Variants in RASA3 observed in about 807,000 individuals in gnomAD.
The protein encoded by RASA3 is ras GTPase-activating protein 3.
RASA3 carries 73 observed loss-of-function variants against 110.0 expected under a neutral mutation model. That is an observed-to-expected ratio of 0.66 (90% CI 0.55 to 0.81). RASA3 has a LOEUF of 0.81. Ranked by LOEUF, RASA3 falls within the 30% of genes least tolerant of loss-of-function variation. The pLI, the probability that RASA3 is intolerant of heterozygous loss-of-function variation, is 0.00. For missense variants in RASA3, 976 were observed against 1,113.2 expected (o/e 0.88, Z 1.75); for synonymous variants, 500 against 451.4 (o/e 1.11, Z -1.37).
At chr13:114,000,264 G>C (rs2053363877) in intron 19 of RASA3, among the ~76,000 whole-genome samples, 1 of 152,042 alleles carries the variant, frequency 6.6e-6, no homozygotes, top group African/African-American at 2.4e-5. Flanking sequence ...ATCACTGACA[G>C]GCTGCAGGTG....
At chr13:114,020,148 T>C (rs1158231091) in intron 9 of RASA3, among the ~76,000 whole-genome samples, 1 of 29,622 alleles carries the variant, frequency 3.4e-5, no homozygotes, top group Non-Finnish European at 5.9e-5. Context: ...TTAGCAGCCC[T>C]GTCAGGTGGG....
intron 2 of RASA3, among the ~76,000 whole-genome samples, chr13:114,055,887 C>T (rs986495680): frequency 2.0e-5 from 3 of 152,244 alleles, no homozygotes; most frequent in Non-Finnish European, 4.4e-5. Flanking sequence ...GCGGCAAATG[C>T]GTAACCAAAA....
At chr13:114,037,223 C>T (rs2054295140) in intron 4 of RASA3, among the ~76,000 whole-genome samples, 2 of 152,202 alleles carry the variant, frequency 1.3e-5, no homozygotes, top group Admixed American at 1.3e-4. Flanking sequence ...TCCTGATCGT[C>T]ATGGTGGTTA....
chr13:114,082,626 C>T (rs898533610), intron 1 of RASA3, among the ~76,000 whole-genome samples: 5 of 152,200 alleles, frequency 3.3e-5, no homozygotes, highest in South Asian at 2.1e-4. Flanking sequence ...AGCTGCGTCC[C>T]GTCTGGGGGC....
At chr13:113,999,145 C>T (rs78400130) in intron 20 of RASA3, among the ~76,000 whole-genome samples, 16 of 92,228 alleles carry the variant, frequency 1.7e-4, no homozygotes, top group Admixed American at 1.5e-3. Flanking sequence ...AGGCCACACA[C>T]GGGTCTGGGT....
At chr13:114,076,367 G>A (rs1353804012) in intron 1 of RASA3, among the ~76,000 whole-genome samples, 3 of 152,254 alleles carry the variant, frequency 2.0e-5, no homozygotes, top group Non-Finnish European at 4.4e-5. Context: ...TTCTTCACCC[G>A]CTGCATGGGA....
intron 3 of RASA3, among the ~76,000 whole-genome samples, chr13:114,045,751 T>G (rs1364020667): frequency 1.3e-5 from 2 of 152,166 alleles, no homozygotes; most frequent in Non-Finnish European, 2.9e-5. Context: ...ACCATGAAAA[T>G]TACACAAAAA....
intron 1 of RASA3, among the ~76,000 whole-genome samples, chr13:114,081,678 C>T (rs1414649942): frequency 5.9e-5 from 9 of 152,194 alleles, no homozygotes; most frequent in South Asian, 2.1e-4. Context: ...GAGACGTGTC[C>T]ACCAGGAGAC....
chr13:114,063,976 T>C (rs893831836), intron 2 of RASA3, among the ~76,000 whole-genome samples: 3 of 152,232 alleles, frequency 2.0e-5, no homozygotes, highest in African/African-American at 7.2e-5. Flanking sequence ...CTGGGCCTGT[T>C]TTCTATTAGA....
intron 1 of RASA3, among the ~76,000 whole-genome samples, chr13:114,132,042 T>G (rs2080527357): frequency 6.6e-6 from 1 of 152,026 alleles, no homozygotes; most frequent in Non-Finnish European, 1.5e-5. Context: ...TCAGTGGATT[T>G]GACACCTGAA....
intron 16 of RASA3, among the ~76,000 whole-genome samples, chr13:114,010,546 G>C (rs1406673825): frequency 6.6e-6 from 1 of 150,728 alleles, no homozygotes; most frequent in Non-Finnish European, 1.5e-5. Context: ...ATGGAGGACG[G>C]AGGTTCATAT....
intron 20 of RASA3, 55 bp from the exon 21 acceptor site, chr13:113,996,794 G>T: frequency 1.3e-6 from 2 of 1,491,632 alleles, no homozygotes; most frequent in Non-Finnish European, 1.9e-6. Flanking sequence ...GGCTGAGCAC[G>T]TGCAAGAGTC....
At chr13:114,000,978 C>T in intron 18 of RASA3, 46 bp from the exon 19 acceptor site, 1 of 1,336,844 alleles carries the variant, frequency 7.5e-7, no homozygotes, top group Non-Finnish European at 1.1e-6. Flanking sequence ...TCAGCTGCCT[C>T]CCTGCACAGG....
chr13:114,104,515 A>T (rs1169377014), intron 1 of RASA3, among the ~76,000 whole-genome samples: 1 of 152,118 alleles, frequency 6.6e-6, no homozygotes, highest in African/African-American at 2.4e-5. Context: ...CCCTGTCATC[A>T]GGGGCGGGAA....
chr13:114,114,200 G>T lies in RASA3; in HGVS notation c.55+18235C>A, dbSNP rs1469077639. ...GAGCGTCTGCGATGTCCGTGCAGGG[G>T]AGAGAGACCTGGCCTATCCTCAGCA... On this transcript the variant is annotated intron_variant, in intron 1 of 23. Transcript: ENST00000334062. The surrounding 1 kb of genome is among the most constrained non-coding windows in gnomAD (Gnocchi z 4.8). Among the ~76,000 whole-genome samples, 1 of 152,252 alleles carries T rather than the reference G, an allele frequency of 6.6e-6. No individual in the cohort carries two copies. The highest frequency in any genetic ancestry group is 1.9e-4 in the East Asian group (1 of 5,202).
rs1205101965 is a variant in RASA3 at position 114,016,182 on chromosome 13, A to G, written c.1281+15T>C. 6.4e-7 allele frequency: 1 copy of G among 1,562,866 alleles called. No individual in the cohort carries two copies. The highest frequency in any genetic ancestry group is 1.1e-5 in the South Asian group (1 of 89,988). ...GCAGGTGACTGGCTTTGGTTGGTTC[A>G]TGAACAAAACCTACCATGTTGTTTT... On this transcript the variant is annotated intron_variant, in intron 13 of 23. Transcript: ENST00000334062.
intron 4 of RASA3, among the ~76,000 whole-genome samples, chr13:114,033,118 G>A (rs2054206035): frequency 1.8e-5 from 1 of 54,262 alleles, no homozygotes; most frequent in Non-Finnish European, 3.2e-5. Context: ...TTGACACCAC[G>A]TTCCACGGAA....
In RASA3 at chr13:114,027,373, C is replaced by G. The variant is rs768195756; in HGVS notation, c.603+16G>C. On this transcript the variant is annotated intron_variant, in intron 7 of 23. Transcript: ENST00000334062. ...TGCAGAGTTTCCACTTAACGTTGAC[C>G]CATGAAGATACCAACCTCAAAATAA... 6.3e-7 allele frequency: 1 copy of G among 1,588,632 alleles called. No individual in the cohort carries two copies. The highest frequency in any genetic ancestry group is 8.6e-7 in the Non-Finnish European group (1 of 1,157,062).
At chr13:114,008,909 G>A (rs113576709) in intron 17 of RASA3, among the ~76,000 whole-genome samples, 6,745 of 42,874 alleles carry the variant, frequency 0.16, 2,941 homozygotes, top group African/African-American at 0.38. Context: ...CACGCACTGC[G>A]TTCCTGACTG....
Sources: gnomAD v4.1 joint callset for allele counts (sites outside exome capture counted in the v4.1 genomes callset) on GRCh38, gnomAD v4.1.1 for gene constraint, Gnocchi (gnomAD v3.1) non-coding constraint, MANE v1.5 for transcripts, NCBI Gene and HGNC (gene_info 2026-07-23, HGNC 2026-07-21) for gene names.